CDH12: variants seen among roughly 807,000 people sequenced by gnomAD.
CDH12 encodes cadherin-12.
A neutral mutation model predicts 74.1 loss-of-function variants in CDH12; 41 were observed. The observed-to-expected ratio is 0.55, with a 90% CI of 0.43 to 0.72. The LOEUF (loss-of-function observed/expected upper bound fraction) is 0.72, where lower values mean the gene tolerates loss of function less well. CDH12 is among the 30% of genes least tolerant of loss of function. CDH12 has a pLI of 0.00. For synonymous variants in CDH12, 399 were observed against 355.0 expected (o/e 1.12, Z -1.39); for missense variants, 945 against 977.2 (o/e 0.97, Z 0.44).
At chr5:21,880,616 C>CTTCTTTCTTTCTTTCTTTCTTTCT (rs201513323) in intron 6 of CDH12, among the ~76,000 whole-genome samples, 2 of 50,866 alleles carry the variant, frequency 3.9e-5, no homozygotes, top group East Asian at 6.4e-4. Context: ...TCCTTCCTTC[C>CTTCTTTCTTTCTTTCTTTCTTTCT]TTCTTTCTTT....
chr5:21,761,187 C>T (rs967885845), intron 12 of CDH12, among the ~76,000 whole-genome samples: 16 of 152,026 alleles, frequency 1.1e-4, no homozygotes, highest in African/African-American at 2.4e-4. Context: ...TTTCTTCATT[C>T]GGTAGGAATA....
At chr5:21,922,945 T>TATCTATATCTA (rs1451963565) in intron 6 of CDH12, among the ~76,000 whole-genome samples, 1 of 135,838 alleles carries the variant, frequency 7.4e-6, no homozygotes, top group Non-Finnish European at 1.5e-5. Context: ...TGTGTATCTA[T>TATCTATATCTA]ATCTATATCT....
chr5:22,836,934 T>G (rs907892349), intron 1 of CDH12, among the ~76,000 whole-genome samples: 1 of 152,230 alleles, frequency 6.6e-6, no homozygotes, highest in Admixed American at 6.5e-5. Context: ...TAATGAGAGA[T>G]ATAAATTGAA....
intron 3 of CDH12, among the ~76,000 whole-genome samples, chr5:22,331,026 T>C (rs1048793760): frequency 2.8e-4 from 42 of 152,090 alleles, no homozygotes; most frequent in African/African-American, 9.9e-4. Flanking sequence ...GAACTCCCCA[T>C]GGGTTGTTGT....
intron 5 of CDH12, among the ~76,000 whole-genome samples, chr5:21,985,223 T>A (rs1560995110): frequency 6.6e-6 from 1 of 152,196 alleles, no homozygotes; most frequent in Non-Finnish European, 1.5e-5. Context: ...ATTTTTCTGC[T>A]GGAATGAGAA....
intron 3 of CDH12, among the ~76,000 whole-genome samples, chr5:22,302,667 G>A (rs1737938211): frequency 6.6e-6 from 1 of 152,044 alleles, no homozygotes; most frequent in Admixed American, 6.6e-5. Flanking sequence ...TAGGAAAAGA[G>A]TAACAAAGTT....
intron 2 of CDH12, among the ~76,000 whole-genome samples, chr5:22,437,620 G>T (rs1744459013): frequency 6.6e-6 from 1 of 151,592 alleles, no homozygotes; most frequent in Admixed American, 6.6e-5. Flanking sequence ...TAAATTTTTA[G>T]GTAGAAGGAC....
chr5:22,198,229 G>A (rs1157618494), intron 4 of CDH12, among the ~76,000 whole-genome samples: 1 of 151,914 alleles, frequency 6.6e-6, no homozygotes, highest in African/African-American at 2.4e-5. Context: ...TTGTACTTCT[G>A]TCAGTCACCC....
At chr5:21,895,340 C>A (rs1459298121) in intron 6 of CDH12, among the ~76,000 whole-genome samples, 1 of 152,174 alleles carries the variant, frequency 6.6e-6, no homozygotes, top group African/African-American at 2.4e-5. Context: ...TAAGATTCCA[C>A]ATGGGAAGAT....
At chr5:22,604,415 C>T (rs747477836) in intron 1 of CDH12, among the ~76,000 whole-genome samples, 7 of 152,154 alleles carry the variant, frequency 4.6e-5, no homozygotes, top group Non-Finnish European at 7.3e-5. Flanking sequence ...ACACATGCAG[C>T]TACAGAGAAT....
chr5:22,680,616 C>A (rs940229361), intron 1 of CDH12, among the ~76,000 whole-genome samples: 5 of 151,964 alleles, frequency 3.3e-5, no homozygotes, highest in East Asian at 1.9e-4. Context: ...GTAGCTGAAC[C>A]AGGTTATAGT....
chr5:22,063,780 A>G (rs1299078583), intron 5 of CDH12, among the ~76,000 whole-genome samples: 2 of 151,962 alleles, frequency 1.3e-5, no homozygotes, highest in African/African-American at 4.8e-5. Flanking sequence ...GCTTCATTCA[A>G]TTAGTTGGAA....
chr5:22,536,670 G>GC (rs1737860623), intron 1 of CDH12, among the ~76,000 whole-genome samples: 1 of 152,116 alleles, frequency 6.6e-6, no homozygotes, highest in African/African-American at 2.4e-5. Context: ...AGTATATAAC[G>GC]CATTTGAATT....
chr5:22,606,459 T>C (rs1161708266), intron 1 of CDH12, among the ~76,000 whole-genome samples: 3 of 152,194 alleles, frequency 2.0e-5, no homozygotes, highest in African/African-American at 7.2e-5. Flanking sequence ...AATTGAATCA[T>C]GGGAGCAGTT....
chr5:21,797,215 A>C (rs926453530), intron 10 of CDH12, among the ~76,000 whole-genome samples: 3 of 151,630 alleles, frequency 2.0e-5, no homozygotes, highest in Non-Finnish European at 4.4e-5. Flanking sequence ...ATGATGATGA[A>C]GATGATGAAG....
intron 2 of CDH12, among the ~76,000 whole-genome samples, chr5:22,448,900 G>A (rs1744934440): frequency 6.6e-6 from 1 of 151,650 alleles, no homozygotes; most frequent in Non-Finnish European, 1.5e-5. Flanking sequence ...ATTTTTTCAA[G>A]AAATGTCAAT....
intron 6 of CDH12, among the ~76,000 whole-genome samples, chr5:21,970,894 T>C (rs895479263): frequency 8.7e-4 from 116 of 132,692 alleles, no homozygotes; most frequent in Non-Finnish European, 1.6e-3. Flanking sequence ...AAATAGTCTC[T>C]GGTTAAATAA....
chr5:22,748,629 T>C (rs1745408304), intron 1 of CDH12, among the ~76,000 whole-genome samples: 1 of 152,152 alleles, frequency 6.6e-6, no homozygotes, highest in Non-Finnish European at 1.5e-5. Context: ...TAAAGAAACC[T>C]CTGTGTATAG....
intron 1 of CDH12, among the ~76,000 whole-genome samples, chr5:22,628,168 A>T (rs1464957526): frequency 2.0e-5 from 3 of 152,046 alleles, no homozygotes; most frequent in African/African-American, 7.2e-5. Context: ...AGACTTCAAC[A>T]CTCCACAGAC....
Sources: gnomAD v4.1 joint callset for allele counts (sites outside exome capture counted in the v4.1 genomes callset) on GRCh38, gnomAD v4.1.1 for gene constraint, MANE v1.5 for transcripts, NCBI Gene and HGNC (gene_info 2026-07-23, HGNC 2026-07-21) for gene names.